Variants in MYO16 observed in about 807,000 individuals in gnomAD.
MYO16 encodes the protein unconventional myosin-XVI.
Under a neutral mutation model 205.3 loss-of-function variants are expected in MYO16, and 94 were observed. The observed-to-expected ratio is 0.46, with a 90% confidence interval of 0.39 to 0.54. The LOEUF (loss-of-function observed/expected upper bound fraction) is 0.54, where lower values mean the gene tolerates loss of function less well. Ranked by LOEUF, MYO16 falls within the 20% of genes least tolerant of loss-of-function variation. The pLI is 0.00. For synonymous variants in MYO16, 988 were observed against 954.0 expected, an observed-to-expected ratio of 1.04 and a Z score of -0.66; for missense variants, 2,315 against 2,387.5, an observed-to-expected ratio of 0.97 and a Z score of 0.63.
chr13:109,051,586 C>T (rs765044695), intron 24 of MYO16, among the ~76,000 whole-genome samples: 28 of 152,034 alleles, frequency 1.8e-4, no homozygotes, highest in Non-Finnish European at 3.4e-4. Flanking sequence ...CATTGTTTTC[C>T]CTGTGATTTT....
intron 2 of MYO16, among the ~76,000 whole-genome samples, chr13:108,704,357 C>T (rs1594225170): frequency 6.6e-6 from 1 of 152,136 alleles, no homozygotes; most frequent in Non-Finnish European, 1.5e-5. Flanking sequence ...TATAAACACT[C>T]ATCTTTCTTT....
At chr13:108,630,401 C>A (rs1251741076) in intron 1 of MYO16, among the ~76,000 whole-genome samples, 1 of 152,154 alleles carries the variant, frequency 6.6e-6, no homozygotes, top group Non-Finnish European at 1.5e-5. Context: ...ACTCCAGGGA[C>A]TCTGTACCAA....
At chr13:109,048,486 C>A in intron 24 of MYO16, 1 of 514,472 alleles carries the variant, frequency 1.9e-6, no homozygotes, top group South Asian at 3.8e-5. Flanking sequence ...CAGTTACTCA[C>A]CTCTGCTGTT....
intron 20 of MYO16, among the ~76,000 whole-genome samples, chr13:108,967,033 T>A (rs1415648492): frequency 6.6e-6 from 1 of 152,124 alleles, no homozygotes; most frequent in Non-Finnish European, 1.5e-5. Context: ...TCACAGTATA[T>A]ATGTATTTAT....
intron 27 of MYO16, among the ~76,000 whole-genome samples, chr13:109,072,979 G>C (rs919204019): frequency 6.6e-6 from 1 of 152,054 alleles, no homozygotes; most frequent in Non-Finnish European, 1.5e-5. Flanking sequence ...CTAATTGAGT[G>C]CCCTTGCAGT....
intron 27 of MYO16, among the ~76,000 whole-genome samples, chr13:109,073,227 G>A (rs1821085): frequency 0.48 from 72,797 of 150,982 alleles, 17,775 homozygotes; most frequent in Middle Eastern, 0.55. Context: ...TCAGCATCCC[G>A]AGTAGCTAGG....
chr13:108,678,688 G>A (rs905594339), intron 2 of MYO16, among the ~76,000 whole-genome samples: 7 of 152,076 alleles, frequency 4.6e-5, no homozygotes, highest in Admixed American at 2.0e-4. Flanking sequence ...GTTTTCTTCA[G>A]TTGACTTTCT....
intron 5 of MYO16, among the ~76,000 whole-genome samples, chr13:108,790,466 A>G (rs1243702606): frequency 2.0e-5 from 3 of 152,220 alleles, no homozygotes; most frequent in African/African-American, 7.2e-5. Context: ...TAATAAATCT[A>G]AATGGACCTT....
chr13:108,969,521 A>T (rs1483678419), intron 20 of MYO16, among the ~76,000 whole-genome samples: 1 of 152,110 alleles, frequency 6.6e-6, no homozygotes, highest in African/African-American at 2.4e-5. Context: ...CCCCCAGTGG[A>T]TCCAAAGGCG....
chr13:108,847,520 A>T (rs894018131), intron 10 of MYO16, among the ~76,000 whole-genome samples: 1 of 152,202 alleles, frequency 6.6e-6, no homozygotes, highest in African/African-American at 2.4e-5. Context: ...TCAAAGCCAT[A>T]AAGCTCTAAT....
At chr13:108,603,903 C>G (rs762959028) in intron 1 of MYO16, among the ~76,000 whole-genome samples, 2 of 152,084 alleles carry the variant, frequency 1.3e-5, no homozygotes, top group Non-Finnish European at 2.9e-5. Flanking sequence ...TATTAGTCTG[C>G]TATTACACTG....
chr13:109,099,642 C>T (rs2139709063), intron 27 of MYO16, among the ~76,000 whole-genome samples: 1 of 152,156 alleles, frequency 6.6e-6, no homozygotes, highest in East Asian at 1.9e-4. Flanking sequence ...GGTGTGTTTC[C>T]CAGCCTATGT....
At chr13:109,019,272 C>T (rs1480062386) in intron 22 of MYO16, among the ~76,000 whole-genome samples, 1 of 152,134 alleles carries the variant, frequency 6.6e-6, no homozygotes, top group Non-Finnish European at 1.5e-5. Flanking sequence ...GCCACTGCAA[C>T]CAGCTTTGCC....
At chr13:108,816,891 C>T (rs1295433078) in intron 7 of MYO16, among the ~76,000 whole-genome samples, 2 of 151,994 alleles carry the variant, frequency 1.3e-5, no homozygotes, top group Non-Finnish European at 2.9e-5. Flanking sequence ...AAAAGTTAAA[C>T]AATGCAGTAA....
chr13:108,808,300 CT>C lies in MYO16; in HGVS notation c.867+1507del, dbSNP rs11464211. On this transcript the variant is annotated intron_variant, in intron 7 of 34. Transcript: ENST00000457511. Reference sequence around the variant, plus strand: ...TACAGAAATAGAACCTTCTTCTTTGCTTTTTTTTTTTAATGAACCTTCTTTT... The same window carrying C: ...TACAGAAATAGAACCTTCTTCTTTGCTTTTTTTTTTAATGAACCTTCTTTT... Among the ~76,000 whole-genome samples the C allele has an allele frequency of 4.5e-3, 650 of 144,690 alleles. 6 individuals carry two copies. The highest frequency in any genetic ancestry group is 0.016 in the African/African-American group (618 of 39,286). 94.9% of individuals were successfully genotyped at this position (144,690 alleles called of 152,430 possible). A position where few individuals can be genotyped will look rare whatever the true frequency, so the allele number is the denominator to read the frequency against.
the MYO16 span, among the ~76,000 whole-genome samples, chr13:108,505,244 A>G: frequency 3.9e-5 from 6 of 152,298 alleles, no homozygotes; most frequent in Admixed American, 3.9e-4. Flanking sequence ...ACTGTTTTCC[A>G]TAGTGGCTGC....
chr13:108,610,338 G>A (rs933634925), intron 1 of MYO16, among the ~76,000 whole-genome samples: 3 of 152,114 alleles, frequency 2.0e-5, no homozygotes, highest in African/African-American at 7.2e-5. Context: ...GCCTGCCTCA[G>A]CCATTTCCTC....
At chr13:108,755,070 C>A (rs1885378269) in intron 4 of MYO16, among the ~76,000 whole-genome samples, 1 of 152,034 alleles carries the variant, frequency 6.6e-6, no homozygotes, top group African/African-American at 2.4e-5. Flanking sequence ...AGAGGGGACC[C>A]ATGCACACAA....
At chr13:109,012,020 C>G (rs1885619008) in intron 22 of MYO16, among the ~76,000 whole-genome samples, 1 of 151,624 alleles carries the variant, frequency 6.6e-6, no homozygotes. Flanking sequence ...GAATTATTAT[C>G]AGAGTATCTA....
Sources: allele counts gnomAD v4.1 joint callset (sites outside exome capture counted in the v4.1 genomes callset), GRCh38; gene constraint gnomAD v4.1.1; transcripts MANE v1.5; gene names NCBI Gene and HGNC (gene_info 2026-07-23, HGNC 2026-07-21).